Variants in UBXN7 observed in about 807,000 individuals in gnomAD.
UBXN7 encodes UBX domain-containing protein 7.
Under a neutral mutation model 58.0 loss-of-function variants are expected in UBXN7, and 9 were observed. That is an observed-to-expected ratio of 0.16 (90% CI 0.09 to 0.27). The LOEUF is 0.27. Among genes scored for constraint, UBXN7 ranks in the 10% least tolerant of loss-of-function variants. UBXN7 has a pLI of 1.00. For synonymous variants in UBXN7, 208 were observed against 205.0 expected, an observed-to-expected ratio of 1.01 and a Z score of -0.12; for missense variants, 328 against 599.6, an observed-to-expected ratio of 0.55 and a Z score of 4.73.
rs1009987443 is a variant in UBXN7, at chr3:196,351,121, T to C, written c.*5564A>G. The C allele has an allele frequency of 1.3e-5, 2 of 152,218 alleles. No individual in the cohort carries two copies. The highest frequency in any genetic ancestry group is 4.8e-5 in the African/African-American group (2 of 41,460). The allele number at this position is 152,218 out of a possible 1,614,324, so 9.4% of individuals were successfully genotyped here. ...GACGGTAAGAATGACATAATAAAGA[T>C]ACATTCTGTGGAATAAAAAACATTT... On this transcript the variant is annotated 3_prime_UTR_variant, in exon 11 of 11. Coordinates refer to ENST00000296328, the MANE Select transcript of UBXN7 (RefSeq NM_015562.2).
Position 196,369,409 on chromosome 3 carries a change from T to G in UBXN7, c.706+12A>C. ...TAATAGGTTAAAAGCTGCGTGCTGA[T>G]ATAAATCTTACCTGTCCGTGGGTCC... On this transcript the variant is annotated intron_variant, in intron 7 of 10. Coordinates refer to ENST00000296328, the MANE Select transcript of UBXN7 (RefSeq NM_015562.2). 6.3e-7 allele frequency: 1 copy of G among 1,590,280 alleles called. No homozygotes were observed. The highest frequency in any genetic ancestry group is 8.6e-7 in the Non-Finnish European group (1 of 1,160,310).
intron 1 of UBXN7, 188 bp downstream of exon 1, chr3:196,432,139 C>T (rs1182338611): frequency 4.2e-6 from 3 of 722,634 alleles, no homozygotes; most frequent in African/African-American, 1.8e-5. Flanking sequence ...GTATCGGGAG[C>T]GGGGGGGGGC....
chr3:196,363,661 G>A (rs1157809483), intron 8 of UBXN7, among the ~76,000 whole-genome samples: 1 of 152,040 alleles, frequency 6.6e-6, no homozygotes, highest in African/African-American at 2.4e-5. Flanking sequence ...AACAGGCCAG[G>A]CACAGTGGCT....
rs561232174 is a variant in UBXN7, at chr3:196,424,548, A to G, written c.73+7779T>C. On this transcript the variant is annotated intron_variant, in intron 1 of 10. Coordinates refer to ENST00000296328, the MANE Select transcript of UBXN7 (RefSeq NM_015562.2). ...CAGGTGCACACCACCAGGCCCAGTTAATTTTTTTTTACTTTTTGTAGAAAC... is the reference window on the plus strand; with the variant it reads ...CAGGTGCACACCACCAGGCCCAGTTGATTTTTTTTTACTTTTTGTAGAAAC... 9.2e-5 allele frequency among the ~76,000 whole-genome samples: 14 copies of G among 151,420 alleles called. 1 individual carries two copies. Among genetic ancestry groups the G allele is most frequent in the Middle Eastern group, 3.4e-3 (1 of 292 alleles).
intron 1 of UBXN7, chr3:196,432,036 G>A (rs1228408526): frequency 1.8e-6 from 1 of 554,022 alleles, no homozygotes; most frequent in Non-Finnish European, 3.3e-6. Context: ...TCCCCGGGCC[G>A]GCGGGGGCGG....
At chr3:196,394,286 C>CAAAAA (rs34194652) in intron 3 of UBXN7, among the ~76,000 whole-genome samples, 3 of 88,208 alleles carry the variant, frequency 3.4e-5, no homozygotes, top group African/African-American at 1.4e-4. Context: ...AACTCCATCT[C>CAAAAA]AAAAAAAAAA....
At chr3:196,387,356 A>C (rs1268186563) in intron 5 of UBXN7, among the ~76,000 whole-genome samples, 1 of 152,238 alleles carries the variant, frequency 6.6e-6, no homozygotes, top group Non-Finnish European at 1.5e-5. Flanking sequence ...CCTAGGCAAT[A>C]CCATTCAGGA....
In UBXN7 at chr3:196,351,464, A is replaced by C. The variant is rs1244622023; in HGVS notation, c.*5221T>G. On this transcript the variant is annotated 3_prime_UTR_variant, in exon 11 of 11. Transcript: ENST00000296328. ...AAGATTAAGAGCAAGTTGTTGGTCA[A>C]ATGATACCTGAACACAGAATAAAAA... 1.3e-5 allele frequency: 2 copies of C among 151,052 alleles called. No individual in the cohort carries two copies. The highest frequency in any genetic ancestry group is 2.4e-5 in the African/African-American group (1 of 41,200). 9.4% of individuals were successfully genotyped at this position (151,052 alleles called of 1,614,324 possible).
intron 8 of UBXN7, among the ~76,000 whole-genome samples, 178 bp downstream of exon 8, chr3:196,367,850 T>C (rs1728712083): frequency 6.6e-6 from 1 of 152,172 alleles, no homozygotes; most frequent in Non-Finnish European, 1.5e-5. Context: ...ACCAAGAAGA[T>C]GGAACTCTCA....
chr3:196,413,127 G>A (rs2108619636), intron 1 of UBXN7, among the ~76,000 whole-genome samples: 1 of 152,174 alleles, frequency 6.6e-6, no homozygotes, highest in East Asian at 1.9e-4. Context: ...GATCACTTGA[G>A]GTCAGTTAGA....
At position 196,353,368 on chromosome 3, in the gene UBXN7, T is replaced by C. The variant is rs1292242058; in HGVS notation, c.*3317A>G. On this transcript the variant is annotated 3_prime_UTR_variant, in exon 11 of 11. Transcript: ENST00000296328. Reference sequence around the variant, plus strand: ...GTATCTGGTGCATGCCAATTAGTATTAAGTTTCCTGTTCTTTTCTCATTTG... The same window carrying C: ...GTATCTGGTGCATGCCAATTAGTATCAAGTTTCCTGTTCTTTTCTCATTTG... 1 of 152,256 alleles carries C rather than the reference T, an allele frequency of 6.6e-6. No homozygotes were observed. The highest frequency in any genetic ancestry group is 2.4e-5 in the African/African-American group (1 of 41,466). The allele number at this position is 152,256 out of a possible 1,614,324, so 9.4% of individuals were successfully genotyped here.
intron 1 of UBXN7, among the ~76,000 whole-genome samples, chr3:196,414,481 C>A (rs2108620294): frequency 6.6e-6 from 1 of 152,212 alleles, no homozygotes; most frequent in South Asian, 2.1e-4. Context: ...TTGTTCCTTA[C>A]CCCTCCCATG....
intron 5 of UBXN7, among the ~76,000 whole-genome samples, chr3:196,378,710 G>A (rs1326467257): frequency 6.6e-6 from 1 of 152,200 alleles, no homozygotes; most frequent in Non-Finnish European, 1.5e-5. Context: ...GGAGCAGTGA[G>A]GATGACCAGG....
rs775363223 is a variant in UBXN7, at chr3:196,353,485, T to TA, written c.*3199_*3200insT. On this transcript the variant is annotated 3_prime_UTR_variant, in exon 11 of 11. Coordinates refer to ENST00000296328, the MANE Select transcript of UBXN7 (RefSeq NM_015562.2). Reference sequence around the variant, plus strand: ...TTTCCCACTAGTTTTCTTCTTCTTCTTCTTTTTTTTTTTTAAATTTGAGAT... The same window carrying TA: ...TTTCCCACTAGTTTTCTTCTTCTTCTATCTTTTTTTTTTTTAAATTTGAGAT... 7.3e-6 allele frequency: 1 copy of TA among 136,254 alleles called. No individual in the cohort carries two copies. The highest frequency in any genetic ancestry group is 1.6e-5 in the Non-Finnish European group (1 of 60,658). The allele number at this position is 136,254 out of a possible 1,614,324, so 8.4% of individuals were successfully genotyped here.
chr3:196,391,676 G>T, intron 5 of UBXN7, 137 bp downstream of exon 5: 1 of 581,908 alleles, frequency 1.7e-6, no homozygotes, highest in Non-Finnish European at 2.9e-6. Flanking sequence ...CAAGGCTGCA[G>T]TGAGCTATGA....
intron 10 of UBXN7, among the ~76,000 whole-genome samples, chr3:196,361,302 C>G (rs2108826929): frequency 6.6e-6 from 1 of 152,240 alleles, no homozygotes; most frequent in East Asian, 1.9e-4. Flanking sequence ...TATGGATGAG[C>G]AAAGAAAGTG....
At chr3:196,378,495 C>T (rs1729099838) in intron 5 of UBXN7, among the ~76,000 whole-genome samples, 1 of 152,216 alleles carries the variant, frequency 6.6e-6, no homozygotes, top group African/African-American at 2.4e-5. Context: ...ATTCCATAGG[C>T]AGAGCAGCCC....
intron 3 of UBXN7, chr3:196,397,524 CTA>C (rs1462387614): frequency 2.0e-5 from 3 of 152,424 alleles, no homozygotes; most frequent in Non-Finnish European, 4.4e-5. Flanking sequence ...GGGGGTCTCA[CTA>C]TGTTGCCCAG....
At chr3:196,356,880 C>A (rs370507054) in intron 10 of UBXN7, 34 bp from the exon 11 acceptor site, 7 of 1,585,322 alleles carry the variant, frequency 4.4e-6, no homozygotes, top group Admixed American at 2.0e-5. Flanking sequence ...AGCCATTAGA[C>A]GGAAAAAGAG....
Sources: allele counts gnomAD v4.1 joint callset (sites outside exome capture counted in the v4.1 genomes callset), GRCh38; gene constraint gnomAD v4.1.1; transcripts MANE v1.5; gene names NCBI Gene and HGNC (gene_info 2026-07-23, HGNC 2026-07-21).